LANCL1: variants seen among roughly 807,000 people sequenced by gnomAD.
LANCL1 encodes the protein LanC like glutathione S-transferase 1.
LANCL1 carries 50 observed loss-of-function variants against 50.6 expected under a neutral mutation model. The ratio of observed to expected loss-of-function variants is 0.99; its 90% CI spans 0.79 to 1.25. The LOEUF (loss-of-function observed/expected upper bound fraction) is 1.25, where lower values mean the gene tolerates loss of function less well. Ranked by LOEUF, LANCL1 falls within the 50% of genes most tolerant of loss-of-function variation. The pLI, the probability that LANCL1 is intolerant of heterozygous loss-of-function variation, is 0.00. For synonymous variants in LANCL1, 188 were observed against 178.6 expected (o/e 1.05, Z -0.42); for missense variants, 532 against 480.7 (o/e 1.11, Z -1.00).
At chr2:210,454,629 A>G (rs551998458) in intron 4 of LANCL1, among the ~76,000 whole-genome samples, 2 of 152,322 alleles carry the variant, frequency 1.3e-5, no homozygotes, top group Admixed American at 1.3e-4. Flanking sequence ...TATTAGTACA[A>G]ACATTTAATA....
At chr2:210,457,358 G>A (rs1239898676) in intron 3 of LANCL1, among the ~76,000 whole-genome samples, 12 of 152,190 alleles carry the variant, frequency 7.9e-5, no homozygotes, top group African/African-American at 2.9e-4. Context: ...AAAAAGGGAG[G>A]ACTGCTTGTG....
chr2:210,466,348 C>T (rs1411399114), intron 3 of LANCL1, among the ~76,000 whole-genome samples: 2 of 152,122 alleles, frequency 1.3e-5, no homozygotes, highest in Non-Finnish European at 2.9e-5. Context: ...CTATGGAGTA[C>T]ACTGTGGAGA....
At chr2:210,435,782 T>C (rs1692907434) in intron 8 of LANCL1, among the ~76,000 whole-genome samples, 1 of 152,154 alleles carries the variant, frequency 6.6e-6, no homozygotes, top group Non-Finnish European at 1.5e-5. Flanking sequence ...GAAAGGCTTT[T>C]CAAGGTTTTC....
intron 3 of LANCL1, among the ~76,000 whole-genome samples, chr2:210,457,596 AAT>A (rs1693709626): frequency 6.6e-6 from 1 of 152,150 alleles, no homozygotes; most frequent in African/African-American, 2.4e-5. Flanking sequence ...TGTTTATCAA[AAT>A]ATATATGTTC....
intron 4 of LANCL1, among the ~76,000 whole-genome samples, chr2:210,448,906 A>G (rs1693429147): frequency 6.6e-6 from 1 of 152,214 alleles, no homozygotes; most frequent in Non-Finnish European, 1.5e-5. Context: ...ACAGATTCAC[A>G]GCCGAATTCT....
chr2:210,465,874 A>G (rs1286378285), intron 3 of LANCL1, among the ~76,000 whole-genome samples: 1 of 152,228 alleles, frequency 6.6e-6, no homozygotes, highest in Non-Finnish European at 1.5e-5. Flanking sequence ...AAAGCCACAA[A>G]GGACATGCAT....
intron 6 of LANCL1, 133 bp from the exon 7 acceptor site, chr2:210,438,005 A>C: frequency 1.8e-6 from 1 of 563,028 alleles, no homozygotes; most frequent in Non-Finnish European, 2.9e-6. Context: ...ATTTCATCCA[A>C]TTTTTCCACC....
chr2:210,440,384 A>AT (rs965429224), intron 6 of LANCL1, among the ~76,000 whole-genome samples: 3 of 152,216 alleles, frequency 2.0e-5, no homozygotes, highest in African/African-American at 7.2e-5. Context: ...ATCAAACATC[A>AT]TTTTAAAACG....
intron 4 of LANCL1, 133 bp downstream of exon 4, chr2:210,454,974 A>C (rs1559714859): frequency 1.4e-6 from 1 of 697,926 alleles, no homozygotes; most frequent in East Asian, 2.7e-5. Flanking sequence ...GAATATGACA[A>C]TTGATCAAAT....
At chr2:210,476,514 G>A (rs2105934458) in intron 1 of LANCL1, 102 bp from the exon 2 acceptor site, 1 of 1,417,252 alleles carries the variant, frequency 7.1e-7, no homozygotes, top group Non-Finnish European at 9.3e-7. Flanking sequence ...TCCAGCTCCA[G>A]GGCCATCGAG....
intron 7 of LANCL1, 83 bp downstream of exon 7, chr2:210,437,607 C>G (rs1692977124): frequency 3.9e-6 from 3 of 768,132 alleles, no homozygotes; most frequent in Non-Finnish European, 5.7e-6. Flanking sequence ...TTTATTGTTC[C>G]TTTATGGATT....
At chr2:210,470,198 A>T (rs1694185377) in intron 3 of LANCL1, among the ~76,000 whole-genome samples, 2 of 152,190 alleles carry the variant, frequency 1.3e-5, no homozygotes, top group African/African-American at 4.8e-5. Context: ...CACACCTGGA[A>T]CACAGTAGAT....
In LANCL1 at chr2:210,435,889, CCTG is replaced by C. The variant is rs1692911437; in HGVS notation, c.1050+324_1050+326del. ...ACTCTTTCTACAACCTCCTGGGAGA[CCTG>C]CTTTTTTTTTTTTTTTTTTTTTTTT... is the stretch of plus-strand genomic sequence containing the variant. On this transcript the variant is annotated intron_variant, in intron 8 of 9. Transcript: ENST00000450366. 2.1e-5 allele frequency among the ~76,000 whole-genome samples: 3 copies of C among 143,686 alleles called. No individual in the cohort carries two copies. In the Admixed American group the frequency reaches 2.2e-4, roughly 11 times the overall value. The allele number at this position is 143,686 out of a possible 152,430, so 94.3% of individuals were successfully genotyped here.
In LANCL1 at chr2:210,434,532, G is replaced by T; in HGVS notation, c.1155C>A (p.Asp385Glu). The change falls in exon 10 of 10, where the codon GAC (aspartate) becomes GAA (glutamate). Residue 385 changes from aspartate (D) to glutamate (E), a missense_variant. Asp to Glu is a conservative substitution (Grantham distance 45, BLOSUM62 2). Transcript: ENST00000450366. The stretch of plus-strand genomic sequence containing the variant: ...ACCTGGCTTTTGTGGGGACTAGCAG[G>T]TCAGCCAGGAAATATATTGTTCCAG... ...GMAGTIYFLA[D>E]LLVPTKARFP... 1.9e-6 allele frequency: 3 copies of T among 1,613,394 alleles called. No homozygotes were observed. The highest frequency in any genetic ancestry group is 2.5e-6 in the Non-Finnish European group (3 of 1,179,638).
chr2:210,466,628 G>C (rs1694068744), intron 3 of LANCL1, among the ~76,000 whole-genome samples: 1 of 152,144 alleles, frequency 6.6e-6, no homozygotes, highest in African/African-American at 2.4e-5. Context: ...GACCATGCTT[G>C]TGTCTCTAAG....
Position 210,433,105 on chromosome 2 carries a change from T to A in LANCL1, c.*1382A>T, listed in dbSNP as rs1398629685. On this transcript the variant is annotated 3_prime_UTR_variant, in exon 10 of 10. Coordinates refer to ENST00000450366, the MANE Select transcript of LANCL1 (RefSeq NM_006055.3). ...CCAAGAGAGCTGTGAAATAGGCACA[T>A]TTAAAATACTTAGACCCTGTTATTT... is the stretch of plus-strand genomic sequence containing the variant. 1 of 152,590 alleles carries A rather than the reference T, an allele frequency of 6.6e-6. No individual in the cohort carries two copies. The highest frequency in any genetic ancestry group is 1.5e-5 in the Non-Finnish European group (1 of 68,030). The allele number at this position is 152,590 out of a possible 1,614,324, so 9.5% of individuals were successfully genotyped here. A position where few individuals can be genotyped will look rare whatever the true frequency, so the allele number is the denominator to read the frequency against.
intron 3 of LANCL1, among the ~76,000 whole-genome samples, chr2:210,463,218 ATT>A (rs904458106): frequency 6.8e-6 from 1 of 147,740 alleles, no homozygotes; most frequent in African/African-American, 2.5e-5. Context: ...TTATTTATTT[ATT>A]TTTTTTTTTG....
rs1241598428 is a variant in LANCL1, at chr2:210,437,816, G to GTCTACA, written c.741_746dup (p.Val248_Asp249dup). On this transcript the variant is annotated inframe_insertion, in exon 7 of 10. Coordinates refer to ENST00000450366, the MANE Select transcript of LANCL1 (RefSeq NM_006055.3). ...AAGGGAATTTCAGCTGGCAGACGTA[G>GTCTACA]TCTACACTGGGCTTGACCAAACTAT... 1 of 1,613,316 alleles carries GTCTACA rather than the reference G, an allele frequency of 6.2e-7. No individual in the cohort carries two copies. Among genetic ancestry groups the GTCTACA allele is most frequent in the Non-Finnish European group, 8.5e-7 (1 of 1,179,726 alleles).
chr2:210,435,330 C>T, intron 9 of LANCL1, 57 bp downstream of exon 9: 1 of 1,349,330 alleles, frequency 7.4e-7, no homozygotes, highest in Non-Finnish European at 1.1e-6. Context: ...CATTAATTAC[C>T]AAGCAGAGAA....
Sources: allele counts gnomAD v4.1 joint callset (sites outside exome capture counted in the v4.1 genomes callset), GRCh38; gene constraint gnomAD v4.1.1; transcripts MANE v1.5; gene names NCBI Gene and HGNC (gene_info 2026-07-23, HGNC 2026-07-21).